CD86: variants seen among roughly 807,000 people sequenced by gnomAD.
CD86 encodes the protein T-lymphocyte activation antigen CD86.
In CD86, 11 loss-of-function variants were observed where a neutral mutation model predicts 32.1. The ratio of observed to expected loss-of-function variants is 0.34; its 90% CI spans 0.22 to 0.57. The LOEUF (loss-of-function observed/expected upper bound fraction) is 0.57, where lower values mean the gene tolerates loss of function less well. CD86 is among the 20% of genes least tolerant of loss of function. The pLI is 0.86. For synonymous variants in CD86, 137 were observed against 135.3 expected (o/e 1.01, Z -0.09); for missense variants, 359 against 398.4 (o/e 0.90, Z 0.84).
chr3:122,094,860 A>C (rs1478552281), intron 2 of CD86, among the ~76,000 whole-genome samples: 6 of 152,196 alleles, frequency 3.9e-5, no homozygotes, highest in African/African-American at 1.4e-4. Context: ...ATTAGGTTAC[A>C]GTTTGTGCCT....
chr3:122,060,693 C>T (rs2072320459), intron 1 of CD86, among the ~76,000 whole-genome samples: 1 of 151,936 alleles, frequency 6.6e-6, no homozygotes, highest in Admixed American at 6.6e-5. Flanking sequence ...ATTTTTCCCA[C>T]CCAAAACTAG....
At chr3:122,103,392 A>G in intron 2 of CD86, 120 bp from the exon 3 acceptor site, 1 of 689,442 alleles carries the variant, frequency 1.5e-6, no homozygotes, top group Non-Finnish European at 2.4e-6. Flanking sequence ...AGAGCTTAAT[A>G]TCTTATTCTT....
At chr3:122,076,625 G>A (rs891898544) in intron 1 of CD86, among the ~76,000 whole-genome samples, 1 of 152,198 alleles carries the variant, frequency 6.6e-6, no homozygotes, top group Non-Finnish European at 1.5e-5. Context: ...CTGGGTGAAA[G>A]GTGAAGGGTT....
chr3:122,113,794 C>T (rs890034766), intron 5 of CD86, among the ~76,000 whole-genome samples: 1 of 152,092 alleles, frequency 6.6e-6, no homozygotes, highest in African/African-American at 2.4e-5. Context: ...TGATGCTTCA[C>T]CTGAAAGAAG....
chr3:122,086,761 C>T (rs2072728405), intron 1 of CD86, among the ~76,000 whole-genome samples: 1 of 152,216 alleles, frequency 6.6e-6, no homozygotes, highest in Admixed American at 6.5e-5. Context: ...CAGTCTGTCT[C>T]TCTGAGAGTC....
chr3:122,095,171 ATTT>A (rs4048621), intron 2 of CD86, among the ~76,000 whole-genome samples: 227 of 130,924 alleles, frequency 1.7e-3, no homozygotes, highest in Middle Eastern at 3.8e-3. Flanking sequence ...TCACTTTAAG[ATTT>A]TTTTTTTTTT....
At position 122,120,962 on chromosome 3, in the gene CD86, G is replaced by A. The variant is rs918143159; in HGVS notation, c.*1428G>A. The stretch of plus-strand genomic sequence containing the variant: ...TCTGGGGAGCCTGAGCCACAAAAAT[G>A]TTCCTTTATTTTATGTAAACCCTCA... On this transcript the variant is annotated 3_prime_UTR_variant, in exon 7 of 7. Coordinates refer to ENST00000330540, the MANE Select transcript of CD86 (RefSeq NM_175862.5). 6.6e-6 allele frequency: 1 copy of A among 152,202 alleles called. No individual in the cohort carries two copies. The highest frequency in any genetic ancestry group is 1.5e-5 in the Non-Finnish European group (1 of 68,034). 9.4% of individuals were successfully genotyped at this position (152,202 alleles called of 1,614,324 possible). A position where few individuals can be genotyped will look rare whatever the true frequency, so the allele number is the denominator to read the frequency against.
intron 5 of CD86, among the ~76,000 whole-genome samples, chr3:122,115,740 CAAAAAAAAAAAA>C (rs769868417): frequency 0.021 from 582 of 27,546 alleles, 5 homozygotes; most frequent in African/African-American, 0.068. Flanking sequence ...AACTCCCTCT[CAAAAAAAAAAAA>C]AAAAAAAAAA....
intron 1 of CD86, among the ~76,000 whole-genome samples, chr3:122,090,460 A>G (rs2072797247): frequency 1.3e-5 from 2 of 152,212 alleles, no homozygotes; most frequent in African/African-American, 4.8e-5. Flanking sequence ...TCCTTTTTAC[A>G]TTGGCTGTTA....
chr3:122,110,754 C>T (rs1432058344), intron 5 of CD86, among the ~76,000 whole-genome samples: 1 of 152,168 alleles, frequency 6.6e-6, no homozygotes, highest in Non-Finnish European at 1.5e-5. Context: ...ACATATCATG[C>T]TTGTCCAGGC....
At chr3:122,062,384 T>G (rs2072351726) in intron 1 of CD86, among the ~76,000 whole-genome samples, 1 of 152,192 alleles carries the variant, frequency 6.6e-6, no homozygotes, top group Admixed American at 6.5e-5. Flanking sequence ...CTCCATGTCC[T>G]TAGTACATTT....
At chr3:122,115,827 A>G (rs1362441640) in intron 5 of CD86, among the ~76,000 whole-genome samples, 1 of 151,802 alleles carries the variant, frequency 6.6e-6, no homozygotes, top group Non-Finnish European at 1.5e-5. Flanking sequence ...TAATTAATAC[A>G]GTGTGATATT....
At chr3:122,066,772 G>T (rs896777830) in intron 1 of CD86, among the ~76,000 whole-genome samples, 4 of 152,130 alleles carry the variant, frequency 2.6e-5, no homozygotes, top group African/African-American at 9.7e-5. Flanking sequence ...AGTGCAAAGG[G>T]AAATGAAACA....
chr3:122,058,148 G>A (rs1271667663), intron 1 of CD86, among the ~76,000 whole-genome samples: 3 of 152,174 alleles, frequency 2.0e-5, no homozygotes, highest in African/African-American at 7.2e-5. Context: ...TTTGGATTAA[G>A]AAACAGAGGA....
chr3:122,118,702 A>T (rs1184606283), intron 6 of CD86, among the ~76,000 whole-genome samples: 1 of 152,218 alleles, frequency 6.6e-6, no homozygotes, highest in African/African-American at 2.4e-5. Context: ...AAACTCTATA[A>T]ACTAGACTTA....
At chr3:122,108,279 C>G (rs1414288863) in intron 4 of CD86, among the ~76,000 whole-genome samples, 4 of 152,208 alleles carry the variant, frequency 2.6e-5, no homozygotes, top group African/African-American at 7.2e-5. Flanking sequence ...GACCCTGAGT[C>G]AAGGGGCCTT....
At chr3:122,060,319 G>A (rs537096362) in intron 1 of CD86, among the ~76,000 whole-genome samples, 2 of 152,304 alleles carry the variant, frequency 1.3e-5, no homozygotes, top group African/African-American at 4.8e-5. Context: ...GTTGAGTGGA[G>A]GCAGTAGACT....
chr3:122,094,594 C>T (rs1483798866), intron 2 of CD86, among the ~76,000 whole-genome samples: 4 of 152,180 alleles, frequency 2.6e-5, no homozygotes, highest in Non-Finnish European at 5.9e-5. Flanking sequence ...AGTGACCTAG[C>T]CACAGGGCCG....
At chr3:122,055,547 G>T (rs762008820) in intron 1 of CD86, 44 bp downstream of exon 1, 4 of 1,591,818 alleles carry the variant, frequency 2.5e-6, no homozygotes, top group South Asian at 1.1e-5. Context: ...TATGAGTTGT[G>T]ACTGCAGTGA....
Sources: allele counts gnomAD v4.1 joint callset (sites outside exome capture counted in the v4.1 genomes callset), GRCh38; gene constraint gnomAD v4.1.1; transcripts MANE v1.5; gene names NCBI Gene and HGNC (gene_info 2026-07-23, HGNC 2026-07-21).